Variants in PEBP4 observed in about 807,000 individuals in gnomAD.
PEBP4 encodes the protein phosphatidylethanolamine-binding protein 4.
PEBP4 carries 22 observed loss-of-function variants against 23.9 expected under a neutral mutation model. That is an observed-to-expected ratio of 0.92 (90% confidence interval 0.66 to 1.31). The LOEUF is 1.31. Ranked by LOEUF, PEBP4 falls within the 40% of genes most tolerant of loss-of-function variation. The pLI is 0.00. For synonymous variants in PEBP4, 112 were observed against 99.3 expected (o/e 1.13, Z -0.76); for missense variants, 324 against 281.7 (o/e 1.15, Z -1.07).
Position 22,724,950 on chromosome 8 carries a change from T to C in PEBP4, c.410A>G (p.Gln137Arg), listed in dbSNP as rs1490395669. 1 of 1,612,344 alleles carries C rather than the reference T, an allele frequency of 6.2e-7. No homozygotes were observed. The highest frequency in any genetic ancestry group is 1.7e-5 in the Admixed American group (1 of 60,016). ...ACTGTGTGCCGGTGGGGAGGGAGCC[T>C]GGTAGGCTATAGGTAGAAGCAGGAG... is the stretch of plus-strand genomic sequence containing the variant. ...KIQGQELSAY[Q>R]APSPPAHSGF... Residue 137 changes from glutamine to arginine, a missense_variant, in exon 6 of 7, where the codon CAG becomes CGG. Transcript: ENST00000256404.
intron 4 of PEBP4, chr8:22,758,252 G>A (rs1585257375): frequency 3.3e-5 from 5 of 152,164 alleles, no homozygotes; most frequent in South Asian, 2.1e-4. Flanking sequence ...TCTTCCCTCC[G>A]GTGACCCTTT....
chr8:22,756,351 A>G (rs1468448555), intron 4 of PEBP4, among the ~76,000 whole-genome samples: 1 of 152,222 alleles, frequency 6.6e-6, no homozygotes, highest in East Asian at 1.9e-4. Context: ...GGACAGCCCC[A>G]GCTCAGGAGA....
chr8:22,772,728 AC>A (rs1195618453), intron 4 of PEBP4, among the ~76,000 whole-genome samples: 3 of 152,074 alleles, frequency 2.0e-5, no homozygotes, highest in Admixed American at 2.0e-4. Context: ...CTGGTCTGGG[AC>A]CCAGGCCCTA....
intron 2 of PEBP4, among the ~76,000 whole-genome samples, chr8:22,923,814 G>T (rs1028504592): frequency 1.3e-5 from 2 of 152,134 alleles, no homozygotes; most frequent in African/African-American, 4.8e-5. Context: ...ATGTGAAGTC[G>T]CAGCAAGAAG....
At chr8:22,892,133 T>C (rs1808507717) in intron 3 of PEBP4, among the ~76,000 whole-genome samples, 1 of 152,116 alleles carries the variant, frequency 6.6e-6, no homozygotes, top group South Asian at 2.1e-4. Flanking sequence ...TCACACTTCA[T>C]TGAGTCAACT....
intron 3 of PEBP4, among the ~76,000 whole-genome samples, chr8:22,870,406 T>C (rs1025862264): frequency 2.6e-5 from 4 of 152,112 alleles, no homozygotes; most frequent in African/African-American, 7.2e-5. Flanking sequence ...GATAGTAAAA[T>C]ATCAGCAGTC....
chr8:22,818,241 C>T (rs1806787260), intron 3 of PEBP4, among the ~76,000 whole-genome samples: 1 of 152,174 alleles, frequency 6.6e-6, no homozygotes, highest in Admixed American at 6.5e-5. Context: ...GCTCTAGGTG[C>T]CAGGAGGCAA....
At chr8:22,916,438 C>T (rs950349159) in intron 3 of PEBP4, among the ~76,000 whole-genome samples, 3 of 152,208 alleles carry the variant, frequency 2.0e-5, no homozygotes, top group Admixed American at 6.5e-5. Context: ...GTTACTTTGC[C>T]TTCTCATGAA....
At chr8:22,835,793 G>A (rs999041181) in intron 3 of PEBP4, among the ~76,000 whole-genome samples, 1 of 152,188 alleles carries the variant, frequency 6.6e-6, no homozygotes, top group Non-Finnish European at 1.5e-5. Context: ...ATTAGAACAG[G>A]CCCTGTCCTG....
chr8:22,733,962 G>T (rs1804796475), intron 4 of PEBP4, among the ~76,000 whole-genome samples: 1 of 152,154 alleles, frequency 6.6e-6, no homozygotes, highest in South Asian at 2.1e-4. Context: ...CAGAGCACTT[G>T]AGGGTGGGAA....
At chr8:22,776,058 C>A (rs1585266235) in intron 4 of PEBP4, among the ~76,000 whole-genome samples, 2 of 152,282 alleles carry the variant, frequency 1.3e-5, no homozygotes, top group East Asian at 1.9e-4. Flanking sequence ...GCACCATTAC[C>A]TCTCCAGGGC....
intron 4 of PEBP4, among the ~76,000 whole-genome samples, chr8:22,797,885 C>A (rs937635105): frequency 2.0e-5 from 3 of 152,146 alleles, no homozygotes; most frequent in Admixed American, 2.0e-4. Context: ...GGGCTGGTGC[C>A]AACATCAATA....
intron 3 of PEBP4, chr8:22,886,429 CT>C (rs1808377357): frequency 6.6e-6 from 1 of 152,320 alleles, no homozygotes; most frequent in Non-Finnish European, 1.5e-5. Flanking sequence ...CAAGTCTAGA[CT>C]TTCTTATCTT....
At chr8:22,802,846 T>C (rs187466048) in intron 4 of PEBP4, among the ~76,000 whole-genome samples, 1 of 152,302 alleles carries the variant, frequency 6.6e-6, no homozygotes, top group African/African-American at 2.4e-5. Flanking sequence ...GGATCAAGTA[T>C]GGAATTATAA....
upstream of PEBP4, among the ~76,000 whole-genome samples, chr8:22,928,861 C>T (rs568381581): frequency 3.3e-5 from 5 of 152,312 alleles, no homozygotes; most frequent in South Asian, 2.1e-4. Flanking sequence ...GTAAAGTACA[C>T]GCAGCTAGAC....
At chr8:22,912,655 T>C (rs1294630585) in intron 3 of PEBP4, among the ~76,000 whole-genome samples, 1 of 152,222 alleles carries the variant, frequency 6.6e-6, no homozygotes, top group East Asian at 1.9e-4. Context: ...ATCTGTCCTG[T>C]GAAGTCCTGC....
At chr8:22,766,289 G>T (rs1423348922) in intron 4 of PEBP4, among the ~76,000 whole-genome samples, 2 of 152,236 alleles carry the variant, frequency 1.3e-5, no homozygotes, top group African/African-American at 4.8e-5. Flanking sequence ...CAGGTCACAG[G>T]CATCTGGGAA....
chr8:22,857,383 G>GTTC (rs926061434), intron 3 of PEBP4, among the ~76,000 whole-genome samples: 9 of 152,150 alleles, frequency 5.9e-5, no homozygotes, highest in African/African-American at 2.2e-4. Flanking sequence ...TCAGCCTCTT[G>GTTC]CTCCCCATCA....
At chr8:22,848,946 A>G (rs1807496708) in intron 3 of PEBP4, among the ~76,000 whole-genome samples, 1 of 152,076 alleles carries the variant, frequency 6.6e-6, no homozygotes, top group Admixed American at 6.6e-5. Flanking sequence ...ACCTTACACT[A>G]TTTTCTCCTA....
Sources: allele counts gnomAD v4.1 joint callset (sites outside exome capture counted in the v4.1 genomes callset), GRCh38; gene constraint gnomAD v4.1.1; transcripts MANE v1.5; gene names NCBI Gene and HGNC (gene_info 2026-07-23, HGNC 2026-07-21).